The following CRAMP1 variants were observed in gnomAD, a reference collection of about 807,000 sequenced individuals.
CRAMP1 encodes the protein cramped chromatin regulator 1.
In CRAMP1, 50 loss-of-function variants were observed where a neutral mutation model predicts 115.4. The ratio of observed to expected loss-of-function variants is 0.43; its 90% CI spans 0.35 to 0.55. The LOEUF (loss-of-function observed/expected upper bound fraction) is 0.55. Ranked by LOEUF, CRAMP1 falls within the 20% of genes least tolerant of loss-of-function variation. The pLI is 0.01. For missense variants in CRAMP1, 1,679 were observed against 1,721.7 expected (o/e 0.98, Z 0.44); for synonymous variants, 866 against 745.4 (o/e 1.16, Z -2.64).
intron 6 of CRAMP1, among the ~76,000 whole-genome samples, chr16:1,644,627 C>T (rs1054254552): frequency 6.6e-6 from 1 of 152,130 alleles, no homozygotes; most frequent in Admixed American, 6.5e-5. Context: ...GGGGAATCAC[C>T]TGGCCCAGGG....
intron 9 of CRAMP1, among the ~76,000 whole-genome samples, chr16:1,655,511 C>A (rs1286165688): frequency 6.6e-6 from 1 of 152,200 alleles, no homozygotes; most frequent in Non-Finnish European, 1.5e-5. Context: ...AGAACTCAGT[C>A]ACAGCCAGCC....
In CRAMP1 at chr16:1,666,747, G is replaced by C; in HGVS notation, c.3036+147G>C. ...GGGTGCCATGGCATAAGCAAACTCT[G>C]TGTAGTACAGAGCAGGAGAGGCCTC... On this transcript the variant is annotated intron_variant, in intron 16 of 20. Transcript: ENST00000397412. This position sits in a 1 kb window ranked among gnomAD's most constrained non-coding sequence, Gnocchi z 5.0. The C allele has an allele frequency of 1.4e-6, 1 of 730,752 alleles. No homozygotes were observed. The highest frequency in any genetic ancestry group is 1.8e-5 in the South Asian group (1 of 55,882). 45.3% of individuals were successfully genotyped at this position (730,752 alleles called of 1,614,324 possible).
chr16:1,635,292 A>T (rs1019657724), intron 4 of CRAMP1, among the ~76,000 whole-genome samples: 2 of 152,150 alleles, frequency 1.3e-5, no homozygotes, highest in Non-Finnish European at 2.9e-5. Context: ...GTGGCAAGCG[A>T]GCGTGGAAGG....
At chr16:1,673,085 T>C (rs543079812) in intron 20 of CRAMP1, among the ~76,000 whole-genome samples, 10 of 152,046 alleles carry the variant, frequency 6.6e-5, no homozygotes, top group African/African-American at 2.4e-4. Context: ...CCTGTCCTCA[T>C]TTCTCTGACG....
In CRAMP1 at chr16:1,654,204, T is replaced by C. The variant is rs188932965; in HGVS notation, c.1038-1015T>C. The stretch of plus-strand genomic sequence containing the variant: ...CATATCATAAAATGAACTTAGCCTT[T>C]TTTTATTTTTTCTTTTTTTTTTCCG... On this transcript the variant is annotated intron_variant, in intron 8 of 20. Coordinates refer to ENST00000397412, the MANE Select transcript of CRAMP1 (RefSeq NM_020825.4). 4.6e-5 allele frequency among the ~76,000 whole-genome samples: 7 copies of C among 151,982 alleles called. No individual in the cohort carries two copies. In the East Asian group the frequency reaches 1.4e-3, roughly 30 times the overall value.
chr16:1,665,564 T>A (rs1452695630), intron 14 of CRAMP1, among the ~76,000 whole-genome samples: 3 of 152,216 alleles, frequency 2.0e-5, no homozygotes, highest in Non-Finnish European at 4.4e-5. Flanking sequence ...AAGCCTCTAG[T>A]GAAACACATA....
intron 20 of CRAMP1, among the ~76,000 whole-genome samples, 183 bp downstream of exon 20, chr16:1,670,992 G>T (rs763810129): frequency 6.6e-6 from 1 of 152,132 alleles, no homozygotes; most frequent in Non-Finnish European, 1.5e-5. Flanking sequence ...ACGCTGGGCC[G>T]GCTCTCGTCC....
In CRAMP1 at chr16:1,666,321, T is replaced by C. The variant is rs2036875626; in HGVS notation, c.2858-101T>C. On this transcript the variant is annotated intron_variant, in intron 15 of 20. Coordinates refer to ENST00000397412, the MANE Select transcript of CRAMP1 (RefSeq NM_020825.4). The surrounding 1 kb of genome is among the most constrained non-coding windows in gnomAD (Gnocchi z 5.0). ...AACATCTAAGCCCTTGGCTCTTGCATTGACATGAGGTGCGAGGGAGAAGCT... is the reference window on the plus strand; with the variant it reads ...AACATCTAAGCCCTTGGCTCTTGCACTGACATGAGGTGCGAGGGAGAAGCT... The C allele has an allele frequency of 7.9e-7, 1 of 1,259,306 alleles. No homozygotes were observed. Among genetic ancestry groups the C allele is most frequent in the Admixed American group, 2.1e-5 (1 of 48,528 alleles). 78.0% of individuals were successfully genotyped at this position (1,259,306 alleles called of 1,614,324 possible).
At chr16:1,625,309 C>G (rs779949296) in intron 2 of CRAMP1, among the ~76,000 whole-genome samples, 1 of 152,046 alleles carries the variant, frequency 6.6e-6, no homozygotes. Context: ...TCCTCGGGGT[C>G]GTCTTGGGCT....
At chr16:1,620,557 G>T (rs1009026840) in intron 2 of CRAMP1, 2 of 434,670 alleles carry the variant, frequency 4.6e-6, no homozygotes, top group African/African-American at 4.0e-5. Context: ...ACCACAGAAA[G>T]AGTGCTCCAG....
chr16:1,621,450 G>A, intron 2 of CRAMP1, among the ~76,000 whole-genome samples: 1 of 152,224 alleles, frequency 6.6e-6, no homozygotes, highest in East Asian at 1.9e-4. Context: ...TGGGAAACAG[G>A]CGGTGCGGAT....
Position 1,662,883 on chromosome 16 carries a change from C to T in CRAMP1, c.2670+48C>T, listed in dbSNP as rs187995185. The T allele has an allele frequency of 1.2e-5, 18 of 1,467,586 alleles. No individual in the cohort carries two copies. The Admixed American group carries it at 2.1e-4, about 17-fold the overall frequency. 90.9% of individuals were successfully genotyped at this position (1,467,586 alleles called of 1,614,324 possible). ...ACGTGTGGCCTCGTGGCTGGGCCAA[C>T]CAGGACACAGGGCTTCTTCCCTCTC... On this transcript the variant is annotated intron_variant, in intron 13 of 20. Transcript: ENST00000397412.
chr16:1,650,368 C>G (rs190840263), intron 6 of CRAMP1, among the ~76,000 whole-genome samples: 14 of 152,348 alleles, frequency 9.2e-5, no homozygotes, highest in African/African-American at 2.9e-4. Flanking sequence ...TCCCACGCAG[C>G]ACTCGCTTCA....
intron 6 of CRAMP1, among the ~76,000 whole-genome samples, chr16:1,643,981 A>C (rs1567453907): frequency 6.6e-6 from 1 of 152,254 alleles, no homozygotes; most frequent in African/African-American, 2.4e-5. Context: ...GCTAGTGTTG[A>C]GGTAGCTCAC....
At position 1,666,489 on chromosome 16, in the gene CRAMP1, C is replaced by A; in HGVS notation, c.2925C>A (p.Thr975=). Residue 975 remains threonine, a synonymous_variant, in exon 16 of 21, where the codon ACC becomes ACA. Transcript: ENST00000397412. This position sits in a 1 kb window ranked among gnomAD's most constrained non-coding sequence, Gnocchi z 5.0. ...LSGNPLPALD[T]EGLSGISPLS... is the part of the protein sequence containing the mutation. ...GGAACCCCCTCCCTGCCTTGGACAC[C>A]GAGGGCTTGTCTGGCATCTCTCCAC... The A allele has an allele frequency of 1.2e-6, 2 of 1,613,854 alleles. No individual in the cohort carries two copies. The highest frequency in any genetic ancestry group is 2.2e-5 in the South Asian group (2 of 91,070).
intron 6 of CRAMP1, among the ~76,000 whole-genome samples, chr16:1,649,463 C>T (rs913220806): frequency 6.6e-5 from 10 of 152,018 alleles, no homozygotes; most frequent in African/African-American, 2.2e-4. Flanking sequence ...TGGGACCTCA[C>T]TGTTTGGCCT....
rs1399209231 is a variant in CRAMP1, at chr16:1,656,421, T to C, written c.1664T>C (p.Leu555Pro). 9.4e-6 allele frequency: 15 copies of C among 1,588,136 alleles called. No homozygotes were observed. Among genetic ancestry groups the C allele is most frequent in the Non-Finnish European group, 1.2e-5 (14 of 1,167,744 alleles). The change falls in exon 10 of 21, where the codon CTC becomes CCC. Residue 555 changes from leucine (L) to proline (P), a missense_variant. By Grantham distance (98) the Leu-to-Pro change is moderately conservative. Transcript: ENST00000397412. The surrounding 1 kb of genome is among the most constrained non-coding windows in gnomAD (Gnocchi z 5.6). ...CGQLPDLEDE[L>P]SLLDPLPRYL... ...CAGCTCCCAGACCTGGAGGACGAGC[T>C]CTCGCTTCTAGACCCCTTGCCCCGC...
intron 5 of CRAMP1, among the ~76,000 whole-genome samples, chr16:1,639,346 C>T (rs2036613338): frequency 6.6e-6 from 1 of 151,516 alleles, no homozygotes; most frequent in South Asian, 2.1e-4. Context: ...TGGGAGTGGG[C>T]CCGGACGTAG....
At chr16:1,625,603 A>T (rs1567448033) in intron 2 of CRAMP1, 1 of 169,076 alleles carries the variant, frequency 5.9e-6, no homozygotes, top group Admixed American at 6.1e-5. Flanking sequence ...CAAAAACCTC[A>T]TTTACAAAAG....
Sources: gnomAD v4.1 joint callset for allele counts (sites outside exome capture counted in the v4.1 genomes callset) on GRCh38, gnomAD v4.1.1 for gene constraint, Gnocchi (gnomAD v3.1) non-coding constraint, MANE v1.5 for transcripts, NCBI Gene and HGNC (gene_info 2026-07-23, HGNC 2026-07-21) for gene names.